NCAPD3: variants seen among roughly 807,000 people sequenced by gnomAD.
NCAPD3 encodes non-SMC condensin II complex subunit D3, also known as condensin-2 complex subunit D3.
A neutral mutation model predicts 182.9 loss-of-function variants in NCAPD3; 105 were observed. The ratio of observed to expected loss-of-function variants is 0.57; its 90% CI spans 0.49 to 0.68. NCAPD3 has a LOEUF of 0.68. NCAPD3 is among the 30% of genes least tolerant of loss of function. The pLI is 0.00. For synonymous variants in NCAPD3, 815 were observed against 679.9 expected, an observed-to-expected ratio of 1.20 and a Z score of -3.09; for missense variants, 1,944 against 1,837.0, an observed-to-expected ratio of 1.06 and a Z score of -1.07.
At chr11:134,207,968 C>A (rs112525046) in intron 7 of NCAPD3, among the ~76,000 whole-genome samples, 1 of 152,136 alleles carries the variant, frequency 6.6e-6, no homozygotes, top group South Asian at 2.1e-4. Context: ...GCTCGGTAGG[C>A]GGCCTGCTCA....
rs34328388 is a variant in NCAPD3, at chr11:134,209,361, T to A, written c.684A>T (p.Pro228=). 3 of 1,614,174 alleles carry A rather than the reference T, an allele frequency of 1.9e-6. No individual in the cohort carries two copies. Among genetic ancestry groups the A allele is most frequent in the Non-Finnish European group, 2.5e-6 (3 of 1,180,020 alleles). ...GTGGCTTTTCTTTCAAGGAAAACTT[T>A]GGCAGAAGCCTTAAAAAATTCTTTA... ...HLLKNFLRLL[P]KFSLKEKPQC... Residue 228 remains proline (P), a synonymous_variant, in exon 5 of 35, where the codon CCA becomes CCT. Transcript: ENST00000534548.
rs573923315 is a variant in NCAPD3 at position 134,171,781 on chromosome 11, C to T, written c.3102-2727G>A. On this transcript the variant is annotated intron_variant, in intron 24 of 34. Coordinates refer to ENST00000534548, the MANE Select transcript of NCAPD3 (RefSeq NM_015261.3). The stretch of plus-strand genomic sequence containing the variant: ...CCCTCCACAGCCAACTCTCAGGGCA[C>T]TCCCTATGCTTCCCCTTCATAAATG... Among the ~76,000 whole-genome samples the T allele has an allele frequency of 3.9e-5, 6 of 152,278 alleles. No individual in the cohort carries two copies. The South Asian group carries it at 1.2e-3, about 32-fold the overall frequency.
chr11:134,188,342 T>C (rs1591844437), intron 16 of NCAPD3, among the ~76,000 whole-genome samples: 1 of 152,194 alleles, frequency 6.6e-6, no homozygotes. Flanking sequence ...ATCAGCACTC[T>C]GTAAAATGGA....
chr11:134,202,851 T>C lies in NCAPD3; in HGVS notation c.1580A>G (p.Asn527Ser), dbSNP rs1003907707. The change falls in exon 13 of 35, where the codon AAC becomes AGC. Residue 527 changes from asparagine to serine, a missense_variant. Transcript: ENST00000534548. The part of the protein sequence containing the change: ...SNRSEPSGEI[N>S]IDSSGETVGS... ...AACTGTTTCACCACTGCTGTCTATG[T>C]TGATCTCCCCTGAGGGTTCGGAACG... 6.2e-7 allele frequency: 1 copy of C among 1,610,006 alleles called. No individual in the cohort carries two copies.
chr11:134,190,924 T>C (rs1390104242), intron 16 of NCAPD3, among the ~76,000 whole-genome samples: 2 of 152,196 alleles, frequency 1.3e-5, no homozygotes, highest in African/African-American at 4.8e-5. Context: ...GTTTGAAATG[T>C]TTTTGAGACA....
intron 32 of NCAPD3, chr11:134,153,632 C>T: frequency 2.0e-6 from 1 of 511,340 alleles, no homozygotes; most frequent in Non-Finnish European, 3.5e-6. Flanking sequence ...TCTGGCTTCC[C>T]TCCCGCCGTC....
At chr11:134,194,261 G>A in intron 14 of NCAPD3, 111 bp from the exon 15 acceptor site, 1 of 1,177,548 alleles carries the variant, frequency 8.5e-7, no homozygotes. Context: ...AACATTTTGG[G>A]GTCATGGATC....
At chr11:134,166,032 C>T (rs658830) in intron 27 of NCAPD3, among the ~76,000 whole-genome samples, 2 of 79,442 alleles carry the variant, frequency 2.5e-5, no homozygotes, top group South Asian at 6.8e-4. Context: ...TTGGGGGAGG[C>T]GCACACTCAC....
At position 134,153,165 on chromosome 11, in the gene NCAPD3, A is replaced by G; in HGVS notation, c.4363T>C (p.Leu1455=). 6.2e-7 allele frequency: 1 copy of G among 1,614,134 alleles called. No homozygotes were observed. Among genetic ancestry groups the G allele is most frequent in the Non-Finnish European group, 8.5e-7 (1 of 1,179,988 alleles). ...IEGRSQGNDI[L]CLSLPDKPPP... is the part of the protein sequence containing the mutation. The stretch of plus-strand genomic sequence containing the variant: ...GGTTTATCAGGCAGTGATAAACATA[A>G]GATGTCATTTCCTTGACTCCGGCCT... Residue 1455 remains leucine (L), a synonymous_variant, in exon 34 of 35, where the codon TTA becomes CTA. Coordinates refer to ENST00000534548, the MANE Select transcript of NCAPD3 (RefSeq NM_015261.3).
intron 13 of NCAPD3, among the ~76,000 whole-genome samples, chr11:134,201,542 A>G (rs1019561096): frequency 5.9e-5 from 9 of 152,220 alleles, no homozygotes; most frequent in Non-Finnish European, 7.3e-5. Flanking sequence ...TAATAAGAAA[A>G]AGCAAAGAGA....
chr11:134,198,392 T>C (rs1944680711), intron 13 of NCAPD3, among the ~76,000 whole-genome samples: 1 of 122 alleles, frequency 8.2e-3, no homozygotes, highest in African/African-American at 0.026. Flanking sequence ...CTCCCCACCT[T>C]GTCCCTGCCT....
Position 134,176,497 on chromosome 11 carries a change from T to C in NCAPD3, c.3022-111A>G, listed in dbSNP as rs1006503864. On this transcript the variant is annotated intron_variant, in intron 23 of 34. Transcript: ENST00000534548. ...GTCTGTCCCCGGCACACTGGCTGAGTGCACAGGCACACACTTCCAAACCGT... is the reference window on the plus strand; with the variant it reads ...GTCTGTCCCCGGCACACTGGCTGAGCGCACAGGCACACACTTCCAAACCGT... 7 of 832,188 alleles carry C rather than the reference T, an allele frequency of 8.4e-6. No individual in the cohort carries two copies. The South Asian group carries it at 1.0e-4, about 12-fold the overall frequency. The allele number at this position is 832,188 out of a possible 1,614,324, so 51.6% of individuals were successfully genotyped here. A position where few individuals can be genotyped will look rare whatever the true frequency, so the allele number is the denominator to read the frequency against.
intron 4 of NCAPD3, 83 bp from the exon 5 acceptor site, chr11:134,209,560 C>G: frequency 1.5e-6 from 2 of 1,318,754 alleles, no homozygotes; most frequent in Non-Finnish European, 2.1e-6. Context: ...CAAACCAAGC[C>G]CAGATAAACT....
chr11:134,223,996 C>G, upstream of NCAPD3: 1 of 1,563,498 alleles, frequency 6.4e-7, no homozygotes, highest in Non-Finnish European at 8.7e-7. Context: ...CGCGCCGAGT[C>G]GTTCCTGTGG....
chr11:134,203,265 GA>G (rs1202531308), intron 11 of NCAPD3, 67 bp from the exon 12 acceptor site: 1 of 1,144,236 alleles, frequency 8.7e-7, no homozygotes, highest in Non-Finnish European at 1.3e-6. Context: ...ATCCACGGAG[GA>G]ATCAAAATCA....
intron 32 of NCAPD3, among the ~76,000 whole-genome samples, chr11:134,154,579 T>C (rs986026025): frequency 7.3e-6 from 1 of 137,092 alleles, no homozygotes; most frequent in Non-Finnish European, 1.5e-5. Context: ...TCGCCCCTCC[T>C]GGGTGGTGCA....
At chr11:134,205,156 G>A (rs1255478565) in intron 8 of NCAPD3, among the ~76,000 whole-genome samples, 185 bp from the exon 9 acceptor site, 1 of 152,166 alleles carries the variant, frequency 6.6e-6, no homozygotes, top group Non-Finnish European at 1.5e-5. Context: ...AGTAGTTCCC[G>A]TGCAGTTTTG....
intron 16 of NCAPD3, chr11:134,185,801 T>C (rs764666286): frequency 3.8e-5 from 9 of 237,712 alleles, no homozygotes; most frequent in Admixed American, 1.1e-4. Context: ...TTTCAGACTC[T>C]TCTTATCCTC....
chr11:134,209,362 G>A lies in NCAPD3; in HGVS notation c.683C>T (p.Pro228Leu). 6.2e-7 allele frequency: 1 copy of A among 1,613,974 alleles called. No homozygotes were observed. Among genetic ancestry groups the A allele is most frequent in the Non-Finnish European group, 8.5e-7 (1 of 1,179,958 alleles). The change falls in exon 5 of 35, where the codon CCA becomes CTA. Residue 228 changes from proline (P) to leucine (L), a missense_variant. Pro to Leu is a moderately conservative substitution (Grantham distance 98). This residue lies in a region of NCAPD3 where 1,803 missense variants were observed against 1,674.6 expected (regional missense o/e 1.08). Coordinates refer to ENST00000534548, the MANE Select transcript of NCAPD3 (RefSeq NM_015261.3). The stretch of plus-strand genomic sequence containing the variant: ...TGGCTTTTCTTTCAAGGAAAACTTT[G>A]GCAGAAGCCTTAAAAAATTCTTTAA... ...HLLKNFLRLL[P>L]KFSLKEKPQC...
Sources: gnomAD v4.1 joint callset for allele counts (sites outside exome capture counted in the v4.1 genomes callset) on GRCh38, gnomAD v4.1.1 for gene constraint, gnomAD v4.1.1 regional missense constraint, MANE v1.5 for transcripts, NCBI Gene and HGNC (gene_info 2026-07-23, HGNC 2026-07-21) for gene names.